The following MAD1L1 variants were observed in gnomAD, a reference collection of about 807,000 sequenced individuals.
MAD1L1 encodes mitotic arrest deficient 1 like 1, also known as mitotic spindle assembly checkpoint protein MAD1.
MAD1L1 carries 95 observed loss-of-function variants against 96.9 expected under a neutral mutation model. The ratio of observed to expected loss-of-function variants is 0.98; its 90% CI spans 0.83 to 1.16. The LOEUF is 1.16. MAD1L1 is among the 50% of genes most tolerant of loss of function. The probability of loss-of-function intolerance (pLI) is 0.00; values close to 1 mark genes in which losing one functional copy is unlikely to be tolerated. For synonymous variants in MAD1L1, 473 were observed against 396.6 expected, an observed-to-expected ratio of 1.19 and a Z score of -2.29; for missense variants, 1,007 against 954.4, an observed-to-expected ratio of 1.06 and a Z score of -0.73.
At chr7:1,838,724 T>G (rs1459620419) in intron 18 of MAD1L1, 1 of 470,120 alleles carries the variant, frequency 2.1e-6, no homozygotes, top group Non-Finnish European at 4.4e-6. Context: ...AAGGCATTCA[T>G]TCCAAGATAG....
At chr7:1,985,697 A>G (rs1426090532) in intron 14 of MAD1L1, among the ~76,000 whole-genome samples, 8 of 152,106 alleles carry the variant, frequency 5.3e-5, no homozygotes, top group African/African-American at 1.2e-4. Flanking sequence ...TCATCTTCCA[A>G]TTCAGGAGAT....
chr7:2,202,340 G>A (rs1026257341), intron 10 of MAD1L1, among the ~76,000 whole-genome samples: 2 of 152,214 alleles, frequency 1.3e-5, no homozygotes, highest in Admixed American at 6.5e-5. Flanking sequence ...GTGCTCGGAC[G>A]GAGCTGGGAA....
intron 15 of MAD1L1, among the ~76,000 whole-genome samples, chr7:1,970,580 G>A (rs1187153035): frequency 1.3e-5 from 2 of 151,980 alleles, no homozygotes; most frequent in Admixed American, 6.6e-5. Flanking sequence ...GTGATCTGCC[G>A]GCCTTGGTCT....
At chr7:2,042,965 G>A (rs983412871) in intron 12 of MAD1L1, among the ~76,000 whole-genome samples, 1 of 152,166 alleles carries the variant, frequency 6.6e-6, no homozygotes, top group Non-Finnish European at 1.5e-5. Context: ...CGCTGCCACA[G>A]GCCGACCCCG....
intron 18 of MAD1L1, among the ~76,000 whole-genome samples, chr7:1,841,970 G>A (rs575579304): frequency 2.5e-3 from 383 of 152,302 alleles, no homozygotes; most frequent in Non-Finnish European, 3.6e-3. Context: ...GACCCTGCCT[G>A]CTCGCCGCGC....
In MAD1L1 at chr7:2,213,114, T is replaced by G. The variant is rs1002685998; in HGVS notation, c.986+98A>C. On this transcript the variant is annotated intron_variant, in intron 10 of 18. Coordinates refer to ENST00000265854, the MANE Select transcript of MAD1L1 (RefSeq NM_001013836.2). ...GCCCCGCACCAGCCACAGAGATGCC[T>G]GGCTGGAGACTGCGCTGGTGAGCCG... The G allele has an allele frequency of 5.7e-5, 75 of 1,310,388 alleles. 1 individual carries two copies. In the African/African-American group the frequency reaches 9.2e-4, roughly 16 times the overall value. 81.2% of individuals were successfully genotyped at this position (1,310,388 alleles called of 1,614,324 possible). A position where few individuals can be genotyped will look rare whatever the true frequency, so the allele number is the denominator to read the frequency against.
intron 12 of MAD1L1, among the ~76,000 whole-genome samples, chr7:2,061,814 C>CTT (rs1481440622): frequency 1.3e-5 from 2 of 152,216 alleles, no homozygotes; most frequent in Non-Finnish European, 2.9e-5. Flanking sequence ...CAATGGAAAA[C>CTT]TTAACAGAGT....
chr7:1,947,548 C>T (rs1779286823), intron 16 of MAD1L1, among the ~76,000 whole-genome samples: 1 of 152,328 alleles, frequency 6.6e-6, no homozygotes. Flanking sequence ...CACCAAGAGG[C>T]ACAGGCAGAG....
chr7:2,170,702 G>A (rs894979230), intron 10 of MAD1L1, among the ~76,000 whole-genome samples: 3 of 152,202 alleles, frequency 2.0e-5, no homozygotes, highest in East Asian at 1.9e-4. Context: ...GCCACTGCAC[G>A]AGAAAGGGTT....
chr7:2,218,309 C>A lies in MAD1L1; in HGVS notation c.597-266G>T, dbSNP rs377386730. ...GACGGGGTGCGTAGTGAGCCCAGGC[C>A]ACCTGCAAGGACCTCTCCAACAGTG... On this transcript the variant is annotated intron_variant, in intron 6 of 18. Transcript: ENST00000265854. Among the ~76,000 whole-genome samples the A allele has an allele frequency of 1.5e-4, 23 of 152,298 alleles. No individual in the cohort carries two copies. The East Asian group carries it at 3.7e-3, about 24-fold the overall frequency.
At chr7:1,875,203 A>C (rs1430498976) in intron 18 of MAD1L1, among the ~76,000 whole-genome samples, 5 of 152,126 alleles carry the variant, frequency 3.3e-5, no homozygotes, top group Admixed American at 3.3e-4. Flanking sequence ...AGCTGTTCCC[A>C]GGGGCCCTGC....
chr7:1,905,431 A>G (rs958519021), intron 17 of MAD1L1, among the ~76,000 whole-genome samples: 1 of 147,682 alleles, frequency 6.8e-6, no homozygotes, highest in Non-Finnish European at 1.5e-5. Flanking sequence ...ATGATTGATG[A>G]AGCACTGTTC....
chr7:2,074,924 C>G (rs1785304294), intron 11 of MAD1L1, among the ~76,000 whole-genome samples: 1 of 152,184 alleles, frequency 6.6e-6, no homozygotes, highest in Admixed American at 6.5e-5. Context: ...CAATGGGCAG[C>G]TGGCGTGCTC....
chr7:1,882,783 T>C (rs535091702), intron 18 of MAD1L1, among the ~76,000 whole-genome samples: 1 of 152,220 alleles, frequency 6.6e-6, no homozygotes, highest in East Asian at 1.9e-4. Context: ...CACCCAGGCC[T>C]GCCCTCCATC....
intron 12 of MAD1L1, among the ~76,000 whole-genome samples, chr7:2,020,797 C>T (rs868715344): frequency 6.6e-6 from 1 of 150,854 alleles, no homozygotes; most frequent in South Asian, 2.1e-4. Flanking sequence ...CTTGCTCTGT[C>T]GTCTAGGCTA....
intron 15 of MAD1L1, among the ~76,000 whole-genome samples, chr7:1,971,003 C>T (rs1487740608): frequency 2.0e-5 from 3 of 152,326 alleles, no homozygotes; most frequent in East Asian, 1.9e-4. Flanking sequence ...CCTTAAACTC[C>T]TTCTCAGGCC....
intron 11 of MAD1L1, among the ~76,000 whole-genome samples, chr7:2,108,082 A>T (rs926871768): frequency 6.6e-6 from 1 of 152,194 alleles, no homozygotes; most frequent in Non-Finnish European, 1.5e-5. Context: ...CCCAAAATGG[A>T]TCATTTTTAA....
chr7:2,123,533 G>A (rs1449511595), intron 11 of MAD1L1, among the ~76,000 whole-genome samples: 1 of 152,132 alleles, frequency 6.6e-6, no homozygotes, highest in Non-Finnish European at 1.5e-5. Context: ...TTCCTTCCCT[G>A]TCAAGCAGGA....
chr7:1,925,415 C>A (rs1403238122), intron 17 of MAD1L1, among the ~76,000 whole-genome samples: 2 of 152,192 alleles, frequency 1.3e-5, no homozygotes, highest in Admixed American at 1.3e-4. Flanking sequence ...TTTATAACGA[C>A]CCGAAGTTTA....
Sources: gnomAD v4.1 joint callset for allele counts (sites outside exome capture counted in the v4.1 genomes callset) on GRCh38, gnomAD v4.1.1 for gene constraint, MANE v1.5 for transcripts, NCBI Gene and HGNC (gene_info 2026-07-23, HGNC 2026-07-21) for gene names.